The following GSK3B variants were observed in gnomAD, a reference collection of about 807,000 sequenced individuals.
The protein encoded by GSK3B is glycogen synthase kinase-3 beta.
Under a neutral mutation model 56.4 loss-of-function variants are expected in GSK3B, and 15 were observed. That is an observed-to-expected ratio of 0.27 (90% CI 0.18 to 0.41). The LOEUF (loss-of-function observed/expected upper bound fraction) is 0.41, where lower values mean the gene tolerates loss of function less well. GSK3B is among the 10% of genes least tolerant of loss of function. The probability of loss-of-function intolerance (pLI) is 1.00; values close to 1 mark genes in which losing one functional copy is unlikely to be tolerated. For synonymous variants in GSK3B, 181 were observed against 188.9 expected (o/e 0.96, Z 0.34); for missense variants, 300 against 513.4 (o/e 0.58, Z 4.02).
chr3:119,879,184 A>ATATT (rs2056350559), intron 7 of GSK3B, among the ~76,000 whole-genome samples: 1 of 151,998 alleles, frequency 6.6e-6, no homozygotes, highest in African/African-American at 2.4e-5. Context: ...TTGTTTATTT[A>ATATT]TATTTATTTA....
intron 2 of GSK3B, among the ~76,000 whole-genome samples, chr3:119,953,523 A>T (rs185438526): frequency 3.9e-5 from 6 of 152,324 alleles, no homozygotes; most frequent in Non-Finnish European, 7.4e-5. Context: ...AGAGAGATGG[A>T]GCGGCACATG....
chr3:119,948,587 CTT>C (rs1189601516), intron 2 of GSK3B, among the ~76,000 whole-genome samples: 3 of 152,286 alleles, frequency 2.0e-5, no homozygotes, highest in South Asian at 2.1e-4. Flanking sequence ...ACAAAAGACT[CTT>C]AAGTGTTGAC....
chr3:119,845,167 TAGTA>T (rs549362549), intron 9 of GSK3B, among the ~76,000 whole-genome samples: 39 of 152,212 alleles, frequency 2.6e-4, no homozygotes, highest in African/African-American at 9.4e-4. Flanking sequence ...TATCTCAAAA[TAGTA>T]AGAGCTATTT....
chr3:119,970,607 T>C (rs1228619793), intron 2 of GSK3B, among the ~76,000 whole-genome samples: 1 of 101,810 alleles, frequency 9.8e-6, no homozygotes, highest in South Asian at 3.2e-4. Flanking sequence ...CCGTCTCTAC[T>C]AAAATTAAAA....
intron 7 of GSK3B, among the ~76,000 whole-genome samples, chr3:119,879,650 C>T (rs1053992404): frequency 6.6e-6 from 1 of 151,960 alleles, no homozygotes; most frequent in African/African-American, 2.4e-5. Flanking sequence ...AGCAACTGCC[C>T]TTCCCAGCCT....
intron 1 of GSK3B, among the ~76,000 whole-genome samples, chr3:120,043,139 G>A (rs2058076585): frequency 6.6e-6 from 1 of 152,130 alleles, no homozygotes; most frequent in Non-Finnish European, 1.5e-5. Flanking sequence ...TCATCAAGGA[G>A]GAAAAACTTG....
intron 3 of GSK3B, among the ~76,000 whole-genome samples, chr3:119,926,328 CCACACACACACA>C (rs146771538): frequency 6.8e-6 from 1 of 146,822 alleles, no homozygotes; most frequent in Non-Finnish European, 1.5e-5. Flanking sequence ...TCTTACACTT[CCACACACACACA>C]CACACACACA....
At chr3:119,918,706 T>C (rs993162351) in intron 4 of GSK3B, among the ~76,000 whole-genome samples, 4 of 152,208 alleles carry the variant, frequency 2.6e-5, no homozygotes, top group East Asian at 1.9e-4. Flanking sequence ...ACAGAAGATA[T>C]TGAGGTTCAA....
intron 2 of GSK3B, among the ~76,000 whole-genome samples, chr3:119,999,445 A>G (rs2107478408): frequency 6.6e-6 from 1 of 152,366 alleles, no homozygotes; most frequent in Admixed American, 6.5e-5. Context: ...TATCCAAATA[A>G]TAACAATATC....
intron 2 of GSK3B, among the ~76,000 whole-genome samples, chr3:119,998,883 C>T (rs2057649730): frequency 6.6e-6 from 1 of 152,108 alleles, no homozygotes; most frequent in African/African-American, 2.4e-5. Flanking sequence ...TATCTAAAGG[C>T]TACACAGGAA....
At chr3:120,018,355 G>A (rs1011098544) in intron 1 of GSK3B, among the ~76,000 whole-genome samples, 18 of 152,034 alleles carry the variant, frequency 1.2e-4, no homozygotes, top group Non-Finnish European at 1.6e-4. Context: ...TTCTACATAC[G>A]GTGGTTCCAT....
intron 7 of GSK3B, among the ~76,000 whole-genome samples, chr3:119,899,815 TC>T (rs1156349815): frequency 6.6e-6 from 1 of 152,138 alleles, no homozygotes; most frequent in Non-Finnish European, 1.5e-5. Context: ...TCTCTCCTTT[TC>T]CCCTTCCCTT....
At chr3:120,027,908 T>C (rs1370349570) in intron 1 of GSK3B, among the ~76,000 whole-genome samples, 1 of 152,226 alleles carries the variant, frequency 6.6e-6, no homozygotes, top group Non-Finnish European at 1.5e-5. Context: ...TAAAAAGATA[T>C]TCAATTATAT....
At chr3:120,046,959 A>C (rs917344575) in intron 1 of GSK3B, among the ~76,000 whole-genome samples, 2 of 152,180 alleles carry the variant, frequency 1.3e-5, no homozygotes, top group Non-Finnish European at 2.9e-5. Context: ...TTTGCACTCC[A>C]GTTTCCTCAA....
At chr3:119,955,104 G>A (rs1448145348) in intron 2 of GSK3B, among the ~76,000 whole-genome samples, 2 of 151,304 alleles carry the variant, frequency 1.3e-5, no homozygotes, top group Non-Finnish European at 1.5e-5. Flanking sequence ...TACACCTTCT[G>A]CAAAAAAAAT....
intron 2 of GSK3B, among the ~76,000 whole-genome samples, chr3:119,986,926 C>T (rs1388458029): frequency 6.6e-6 from 1 of 152,136 alleles, no homozygotes; most frequent in Non-Finnish European, 1.5e-5. Flanking sequence ...GGAACCAACG[C>T]AAATGTCCAT....
intron 10 of GSK3B, among the ~76,000 whole-genome samples, chr3:119,828,500 G>A (rs1468712851): frequency 6.6e-6 from 1 of 152,216 alleles, no homozygotes; most frequent in East Asian, 1.9e-4. Flanking sequence ...CAAGGTTGGT[G>A]ACACCGAAAG....
At chr3:119,904,208 C>T (rs531096109) in intron 7 of GSK3B, among the ~76,000 whole-genome samples, 15 of 152,034 alleles carry the variant, frequency 9.9e-5, no homozygotes, top group African/African-American at 3.1e-4. Flanking sequence ...GCCTTTTGGC[C>T]CACAAAGCCT....
At chr3:119,848,731 T>A (rs2055889396) in intron 9 of GSK3B, among the ~76,000 whole-genome samples, 1 of 152,164 alleles carries the variant, frequency 6.6e-6, no homozygotes, top group Admixed American at 6.5e-5. Flanking sequence ...TGTACTAAAT[T>A]ACATACTAAA....
Sources: allele counts gnomAD v4.1 joint callset (sites outside exome capture counted in the v4.1 genomes callset), GRCh38; gene constraint gnomAD v4.1.1; transcripts MANE v1.5; gene names NCBI Gene and HGNC (gene_info 2026-07-23, HGNC 2026-07-21).